The following TTC17 variants were observed in gnomAD, a reference collection of about 807,000 sequenced individuals.
The protein encoded by TTC17 is tetratricopeptide repeat domain 17.
TTC17 carries 58 observed loss-of-function variants against 143.8 expected under a neutral mutation model. The observed-to-expected ratio is 0.40, with a 90% CI of 0.33 to 0.50. The LOEUF (loss-of-function observed/expected upper bound fraction) is 0.50, where lower values mean the gene tolerates loss of function less well. Among genes scored for constraint, TTC17 ranks in the 20% least tolerant of loss-of-function variants. The pLI, the probability that TTC17 is intolerant of heterozygous loss-of-function variation, is 0.49. For synonymous variants in TTC17, 501 were observed against 497.8 expected (o/e 1.01, Z -0.09); for missense variants, 1,273 against 1,392.5 (o/e 0.91, Z 1.37).
chr11:43,450,645 A>G (rs1364389311), intron 20 of TTC17, among the ~76,000 whole-genome samples: 2 of 152,238 alleles, frequency 1.3e-5, no homozygotes, highest in Admixed American at 6.5e-5. Context: ...CAAGTATCCA[A>G]CAGTAGAGGA....
At chr11:43,379,404 ATAT>A in intron 2 of TTC17, 82 bp downstream of exon 2, 2 of 1,308,278 alleles carry the variant, frequency 1.5e-6, no homozygotes, top group Middle Eastern at 1.9e-4. Flanking sequence ...AAGCTAAAGC[ATAT>A]TATTTTTTAA....
At chr11:43,362,993 C>CTT (rs1856179923) in intron 1 of TTC17, among the ~76,000 whole-genome samples, 1 of 152,162 alleles carries the variant, frequency 6.6e-6, no homozygotes, top group African/African-American at 2.4e-5. Flanking sequence ...TAGCTTTGGG[C>CTT]TTTGACATAC....
chr11:43,394,032 AT>A (rs2134540693), intron 5 of TTC17, among the ~76,000 whole-genome samples: 1 of 152,318 alleles, frequency 6.6e-6, no homozygotes, highest in East Asian at 1.9e-4. Flanking sequence ...AAGGACACTT[AT>A]AGGAAGAAAT....
intron 1 of TTC17, among the ~76,000 whole-genome samples, chr11:43,376,082 A>C (rs1376192003): frequency 6.6e-6 from 1 of 152,230 alleles, no homozygotes; most frequent in African/African-American, 2.4e-5. Context: ...GAAAATGCAG[A>C]ATCCAAAATG....
chr11:43,402,456 A>G (rs777309041), intron 10 of TTC17, among the ~76,000 whole-genome samples: 1 of 152,160 alleles, frequency 6.6e-6, no homozygotes, highest in Non-Finnish European at 1.5e-5. Context: ...ACACATACAC[A>G]TATACAATCC....
intron 9 of TTC17, among the ~76,000 whole-genome samples, 177 bp downstream of exon 9, chr11:43,400,225 G>T (rs2134565182): frequency 6.6e-6 from 1 of 152,182 alleles, no homozygotes; most frequent in South Asian, 2.1e-4. Context: ...GAGCTGGTTT[G>T]GTCTACCTTG....
intron 18 of TTC17, chr11:43,446,058 C>G: frequency 6.6e-7 from 1 of 1,518,878 alleles, no homozygotes; most frequent in Non-Finnish European, 8.8e-7. Flanking sequence ...TGAAGCCTTC[C>G]CATTGCCTAC....
intron 21 of TTC17, among the ~76,000 whole-genome samples, chr11:43,488,202 C>T (rs1260890989): frequency 6.6e-6 from 1 of 152,110 alleles, no homozygotes; most frequent in Non-Finnish European, 1.5e-5. Context: ...TGATTATATT[C>T]AGCTGTAAAA....
At chr11:43,437,240 TAAG>T (rs1947313482) in intron 16 of TTC17, among the ~76,000 whole-genome samples, 2 of 152,122 alleles carry the variant, frequency 1.3e-5, no homozygotes, top group South Asian at 4.1e-4. Context: ...TGATCTCTCT[TAAG>T]AACATCACAA....
intron 21 of TTC17, among the ~76,000 whole-genome samples, chr11:43,458,282 A>G (rs952045279): frequency 6.6e-6 from 1 of 152,110 alleles, no homozygotes; most frequent in African/African-American, 2.4e-5. Context: ...CTCCATCTCT[A>G]CATGGTCTCT....
chr11:43,474,276 GA>G (rs1051596119), intron 21 of TTC17, among the ~76,000 whole-genome samples: 2 of 151,820 alleles, frequency 1.3e-5, no homozygotes, highest in African/African-American at 2.4e-5. Context: ...AGAAAAAGTG[GA>G]AAAAAATAAT....
intron 21 of TTC17, among the ~76,000 whole-genome samples, chr11:43,470,743 C>T (rs536129501): frequency 1.5e-4 from 23 of 152,274 alleles, no homozygotes; most frequent in Non-Finnish European, 3.1e-4. Context: ...ATTGTTGGTG[C>T]CCTATGACTT....
intron 21 of TTC17, among the ~76,000 whole-genome samples, chr11:43,452,321 G>C (rs915388010): frequency 6.6e-6 from 1 of 152,134 alleles, no homozygotes; most frequent in East Asian, 1.9e-4. Context: ...CCAACATGGT[G>C]AAACCCCATC....
At chr11:43,369,619 C>CT (rs755414628) in intron 1 of TTC17, among the ~76,000 whole-genome samples, 1,514 of 140,566 alleles carry the variant, frequency 0.011, 27 homozygotes, top group African/African-American at 0.031. Flanking sequence ...TTTCTGATTT[C>CT]TTTTTTTTTT....
chr11:43,382,470 GTT>G (rs1347035789), intron 2 of TTC17, among the ~76,000 whole-genome samples: 5 of 152,106 alleles, frequency 3.3e-5, no homozygotes, highest in Non-Finnish European at 7.4e-5. Flanking sequence ...ATGTTAGACT[GTT>G]TTGTCATGTT....
intron 21 of TTC17, chr11:43,468,025 A>T (rs1384570966): frequency 6.6e-6 from 1 of 152,196 alleles, no homozygotes; most frequent in Non-Finnish European, 1.5e-5. Context: ...TGATCCACAG[A>T]TTTAAATACA....
At chr11:43,398,255 T>A (rs1857702953) in intron 8 of TTC17, 142 bp downstream of exon 8, 2 of 1,059,256 alleles carry the variant, frequency 1.9e-6, no homozygotes, top group African/African-American at 3.2e-5. Flanking sequence ...CCTTTTTCTG[T>A]AAGTCCTGGT....
At chr11:43,444,291 GA>G in intron 18 of TTC17, 82 bp downstream of exon 18, 2 of 1,421,996 alleles carry the variant, frequency 1.4e-6, no homozygotes, top group Non-Finnish European at 1.9e-6. Context: ...TTTGTAACTT[GA>G]AATAGTTCAG....
intron 21 of TTC17, among the ~76,000 whole-genome samples, chr11:43,452,289 CAG>C (rs993160436): frequency 6.6e-6 from 1 of 152,014 alleles, no homozygotes; most frequent in Admixed American, 6.6e-5. Context: ...CACTTGAGGA[CAG>C]GGGTTCAAGA....
Sources: gnomAD v4.1 joint callset for allele counts (sites outside exome capture counted in the v4.1 genomes callset) on GRCh38, gnomAD v4.1.1 for gene constraint, MANE v1.5 for transcripts, NCBI Gene and HGNC (gene_info 2026-07-23, HGNC 2026-07-21) for gene names.